Variants in MCC observed in about 807,000 individuals in gnomAD.
The protein encoded by MCC is MCC regulator of Wnt signaling pathway.
Under a neutral mutation model 116.2 loss-of-function variants are expected in MCC, and 90 were observed. That is an observed-to-expected ratio of 0.77 (90% CI 0.65 to 0.92). The LOEUF is 0.92. MCC is among the 40% of genes least tolerant of loss of function. The pLI, the probability that MCC is intolerant of heterozygous loss-of-function variation, is 0.00. For missense variants in MCC, 1,516 were observed against 1,312.2 expected (o/e 1.16, Z -2.40); for synonymous variants, 578 against 510.5 (o/e 1.13, Z -1.78).
Position 113,068,083 on chromosome 5 carries a change from G to A in MCC, c.2026C>T (p.Pro676Ser), listed in dbSNP as rs200525451. 11 of 1,613,664 alleles carry A rather than the reference G, an allele frequency of 6.8e-6. No homozygotes were observed. The highest frequency in any genetic ancestry group is 1.6e-4 in the Middle Eastern group (1 of 6,084). The change falls in exon 13 of 19, where the codon CCT (proline) becomes TCT (serine). Residue 676 changes from proline (P) to serine (S), a missense_variant. By Grantham distance (74) the Pro-to-Ser change is moderately conservative. Transcript: ENST00000408903. ...GAGGGACTCTGGAGACACTTACCAGGGGAGGACCCCACGCCCGCCGCTCGG... is the reference window on the plus strand; with the variant it reads ...GAGGGACTCTGGAGACACTTACCAGAGGAGGACCCCACGCCCGCCGCTCGG... Reference protein sequence around the residue: ...QFRAAGVGSSPGDQSGDENIT... With the variant: ...QFRAAGVGSSSGDQSGDENIT...
intron 5 of MCC, among the ~76,000 whole-genome samples, chr5:113,134,555 C>CTTT: frequency 0.011 from 323 of 29,998 alleles, 1 homozygote; most frequent in Middle Eastern, 0.033. Flanking sequence ...GCTATTTGGG[C>CTTT]TTTTTTTTTT....
intron 1 of MCC, among the ~76,000 whole-genome samples, chr5:113,391,306 G>A (rs1769395717): frequency 6.6e-6 from 1 of 152,146 alleles, no homozygotes; most frequent in Admixed American, 6.5e-5. Context: ...CTAAAACGCT[G>A]AAGGTTCTGG....
At position 113,166,705 on chromosome 5, in the gene MCC, T is replaced by TAAA. The variant is rs1210505602; in HGVS notation, c.628-15286_628-15284dup. ...CCCTCAATACAGGGCATCATTTATT[T>TAAA]AAAAAAAAAAAAAAAAACAACCAAA... On this transcript the variant is annotated intron_variant, in intron 3 of 18. Transcript: ENST00000408903. Among the ~76,000 whole-genome samples the TAAA allele has an allele frequency of 3.3e-3, 402 of 122,488 alleles. 3 individuals are homozygous for TAAA. The highest frequency in any genetic ancestry group is 0.012 in the African/African-American group (379 of 31,874). The allele number at this position is 122,488 out of a possible 152,430, so 80.4% of individuals were successfully genotyped here.
chr5:113,182,895 A>G (rs1761705089), intron 3 of MCC, among the ~76,000 whole-genome samples: 1 of 152,228 alleles, frequency 6.6e-6, no homozygotes, highest in African/African-American at 2.4e-5. Context: ...ACGAGGCCAT[A>G]GTGAAGGTCT....
chr5:113,173,861 GGTGT>G (rs1461906849), intron 3 of MCC, among the ~76,000 whole-genome samples: 1 of 152,078 alleles, frequency 6.6e-6, no homozygotes, highest in Non-Finnish European at 1.5e-5. Flanking sequence ...GAATGCACTT[GGTGT>G]GTGTAACTCA....
intron 1 of MCC, among the ~76,000 whole-genome samples, chr5:113,415,612 C>T (rs568857239): frequency 2.1e-4 from 32 of 152,286 alleles, no homozygotes; most frequent in Non-Finnish European, 3.5e-4. Context: ...TGGTTTTCAG[C>T]TCCATCAGGT....
At chr5:113,214,073 C>T (rs1181323550) in intron 3 of MCC, among the ~76,000 whole-genome samples, 1 of 152,030 alleles carries the variant, frequency 6.6e-6, no homozygotes, top group African/African-American at 2.4e-5. Flanking sequence ...CTCCTCCCAC[C>T]CCTGTCCCCA....
intron 3 of MCC, among the ~76,000 whole-genome samples, chr5:113,278,630 T>C (rs534436703): frequency 5.9e-5 from 9 of 152,112 alleles, no homozygotes; most frequent in African/African-American, 2.2e-4. Flanking sequence ...GAATAGCAAA[T>C]GTGAAGTTGT....
intron 3 of MCC, among the ~76,000 whole-genome samples, chr5:113,176,469 A>T (rs1326042850): frequency 1.3e-5 from 2 of 152,252 alleles, no homozygotes; most frequent in East Asian, 1.9e-4. Context: ...AAGCTCTAGC[A>T]TGTTCCTCAA....
At chr5:113,396,995 G>T (rs7708084) in intron 1 of MCC, among the ~76,000 whole-genome samples, 66,700 of 151,920 alleles carry the variant, frequency 0.44, 16,103 homozygotes, top group African/African-American at 0.63. Flanking sequence ...TTCTACAATT[G>T]AAAATGGAGT....
chr5:113,447,597 T>A (rs1771259734), intron 1 of MCC, among the ~76,000 whole-genome samples: 1 of 152,224 alleles, frequency 6.6e-6, no homozygotes, highest in South Asian at 2.1e-4. Flanking sequence ...TCCGTATGAT[T>A]ACATTTTGAT....
chr5:113,055,139 A>T (rs1752746199), intron 14 of MCC, among the ~76,000 whole-genome samples: 1 of 152,218 alleles, frequency 6.6e-6, no homozygotes, highest in South Asian at 2.1e-4. Context: ...TGGAAAGTGA[A>T]GCTCAGAGAC....
chr5:113,147,566 ACT>A (rs1236695965), intron 4 of MCC, among the ~76,000 whole-genome samples: 1 of 152,094 alleles, frequency 6.6e-6, no homozygotes, highest in Non-Finnish European at 1.5e-5. Flanking sequence ...GGTTAGTACC[ACT>A]CTCTTTTAAA....
intron 3 of MCC, among the ~76,000 whole-genome samples, chr5:113,156,855 T>C (rs1453628686): frequency 1.3e-5 from 2 of 152,164 alleles, no homozygotes; most frequent in Non-Finnish European, 2.9e-5. Flanking sequence ...AAATGGTTAT[T>C]TTTGGATAAA....
intron 8 of MCC, chr5:113,101,404 A>G (rs754020667): frequency 3.5e-4 from 74 of 209,946 alleles, no homozygotes; most frequent in African/African-American, 1.5e-3. Context: ...TTCAAATTCT[A>G]AAGACTATTA....
intron 3 of MCC, among the ~76,000 whole-genome samples, chr5:113,268,715 A>C (rs1765504744): frequency 6.6e-6 from 1 of 152,250 alleles, no homozygotes. Flanking sequence ...CAAAACAAAA[A>C]TTTTTTTAGT....
At chr5:113,166,191 G>A (rs1760757462) in intron 3 of MCC, among the ~76,000 whole-genome samples, 1 of 152,114 alleles carries the variant, frequency 6.6e-6, no homozygotes, top group African/African-American at 2.4e-5. Flanking sequence ...AAGGCAGTGA[G>A]CAAAGAAACT....
At chr5:113,158,444 TC>T (rs1760296317) in intron 3 of MCC, among the ~76,000 whole-genome samples, 2 of 152,356 alleles carry the variant, frequency 1.3e-5, no homozygotes, top group African/African-American at 4.8e-5. Flanking sequence ...CTTTACCTGT[TC>T]CATCAGCTGC....
At chr5:113,453,157 G>A (rs763038862) in intron 1 of MCC, among the ~76,000 whole-genome samples, 44 of 152,114 alleles carry the variant, frequency 2.9e-4, no homozygotes, top group Non-Finnish European at 6.2e-4. Context: ...CGCATGTTCG[G>A]TGGTCACCCA....
Sources: allele counts gnomAD v4.1 joint callset (sites outside exome capture counted in the v4.1 genomes callset), GRCh38; gene constraint gnomAD v4.1.1; transcripts MANE v1.5; gene names NCBI Gene and HGNC (gene_info 2026-07-23, HGNC 2026-07-21).